The following CNDP2 variants were observed in gnomAD, a reference collection of about 807,000 sequenced individuals.
CNDP2 encodes the protein cytosolic non-specific dipeptidase.
CNDP2 carries 38 observed loss-of-function variants against 55.0 expected under a neutral mutation model. The observed-to-expected ratio is 0.69, with a 90% CI of 0.53 to 0.90. The LOEUF is 0.90. Among genes scored for constraint, CNDP2 ranks in the 40% least tolerant of loss-of-function variants. CNDP2 has a pLI of 0.00. For missense variants in CNDP2, 607 were observed against 621.7 expected (o/e 0.98, Z 0.25); for synonymous variants, 241 against 260.2 (o/e 0.93, Z 0.71).
Position 74,509,057 on chromosome 18 carries a change from T to C in CNDP2, c.456+129T>C, listed in dbSNP as rs527988204. 8 of 700,570 alleles carry C rather than the reference T, an allele frequency of 1.1e-5. No individual in the cohort carries two copies. In the African/African-American group the frequency reaches 1.2e-4, roughly 11 times the overall value. 43.4% of individuals were successfully genotyped at this position (700,570 alleles called of 1,614,324 possible). Reference sequence around the variant, plus strand: ...GATAAGACAAGCGTCCCCCAGCCCTTATCAGCACAGATGACTCGGATGTAA... The same window carrying C: ...GATAAGACAAGCGTCCCCCAGCCCTCATCAGCACAGATGACTCGGATGTAA... On this transcript the variant is annotated intron_variant, in intron 5 of 11. Coordinates refer to ENST00000324262, the MANE Select transcript of CNDP2 (RefSeq NM_018235.3).
intron 8 of CNDP2, among the ~76,000 whole-genome samples, chr18:74,514,605 G>T (rs974133121): frequency 1.4e-5 from 2 of 142,198 alleles, no homozygotes; most frequent in Non-Finnish European, 3.2e-5. Context: ...TGTAAGTTCT[G>T]CAGGCTATAG....
At chr18:74,500,877 C>T (rs1232365727) in intron 2 of CNDP2, among the ~76,000 whole-genome samples, 3 of 152,206 alleles carry the variant, frequency 2.0e-5, no homozygotes, top group Non-Finnish European at 4.4e-5. Context: ...GTGACAGGGG[C>T]TGTATGCACC....
intron 3 of CNDP2, among the ~76,000 whole-genome samples, chr18:74,504,249 C>T (rs1373690728): frequency 6.7e-6 from 1 of 150,252 alleles, no homozygotes; most frequent in East Asian, 2.0e-4. Flanking sequence ...CACAGTGCCG[C>T]TGGGACAAAT....
intron 9 of CNDP2, chr18:74,516,670 C>T (rs545481874): frequency 3.4e-4 from 123 of 364,904 alleles, no homozygotes; most frequent in African/African-American, 1.8e-3. Context: ...TTGGACCAAG[C>T]GTGTTCTGGT....
intron 4 of CNDP2, 79 bp downstream of exon 4, chr18:74,506,090 T>G: frequency 7.7e-7 from 1 of 1,290,778 alleles, no homozygotes; most frequent in South Asian, 1.9e-5. Context: ...TTTTTCTGTT[T>G]CCAGTACAGA....
chr18:74,512,587 T>G, intron 7 of CNDP2, 55 bp downstream of exon 7: 1 of 1,465,256 alleles, frequency 6.8e-7, no homozygotes, highest in Non-Finnish European at 9.5e-7. Flanking sequence ...TGGGCGTGAC[T>G]TCCAGGCTGT....
At chr18:74,516,171 C>A in intron 8 of CNDP2, 57 bp from the exon 9 acceptor site, 1 of 1,518,104 alleles carries the variant, frequency 6.6e-7, no homozygotes, top group Non-Finnish European at 8.9e-7. Flanking sequence ...CCTCGGTGAG[C>A]AGACAGGGCT....
At chr18:74,516,155 C>T (rs1979651342) in intron 8 of CNDP2, 73 bp from the exon 9 acceptor site, 2 of 1,482,280 alleles carry the variant, frequency 1.3e-6, no homozygotes, top group African/African-American at 1.4e-5. Context: ...GACAACATTC[C>T]CAGCTCCTCG....
rs1450676086 is a variant in CNDP2, at chr18:74,501,440, T to C, written c.172T>C (p.Ser58Pro). Reference sequence around the variant, plus strand: ...TGCAGATGTTAAGCAGTTGGGGGGCTCTGTGGAACTGGTGGATATCGGAAA... The same window carrying C: ...TGCAGATGTTAAGCAGTTGGGGGGCCCTGTGGAACTGGTGGATATCGGAAA... ...AAADVKQLGG[S>P]VELVDIGKQK... The change falls in exon 3 of 12, where the codon TCT becomes CCT. Residue 58 changes from serine to proline, a missense_variant. Transcript: ENST00000324262. 6 of 1,613,820 alleles carry C rather than the reference T, an allele frequency of 3.7e-6. No individual in the cohort carries two copies. Among genetic ancestry groups the C allele is most frequent in the Non-Finnish European group, 5.1e-6 (6 of 1,179,940 alleles).
intron 7 of CNDP2, 148 bp from the exon 8 acceptor site, chr18:74,513,411 G>T: frequency 1.3e-6 from 1 of 745,472 alleles, no homozygotes; most frequent in Non-Finnish European, 2.1e-6. Context: ...GACGCTTGTG[G>T]CTGCTCTTGG....
chr18:74,513,194 A>C (rs1399825788), intron 7 of CNDP2, among the ~76,000 whole-genome samples: 1 of 152,240 alleles, frequency 6.6e-6, no homozygotes, highest in Non-Finnish European at 1.5e-5. Flanking sequence ...GCGTGAAGCC[A>C]GTCTGCTGGT....
At chr18:74,513,434 C>T in intron 7 of CNDP2, 125 bp from the exon 8 acceptor site, 1 of 1,011,784 alleles carries the variant, frequency 9.9e-7, no homozygotes, top group Non-Finnish European at 1.4e-6. Flanking sequence ...CCTCCTCAGC[C>T]ACGTGGCTGT....
intron 5 of CNDP2, chr18:74,509,256 C>G (rs1260229745): frequency 1.0e-5 from 3 of 287,288 alleles, no homozygotes; most frequent in Non-Finnish European, 2.0e-5. Context: ...ATAGTGCAGG[C>G]TCTGTCACAT....
At position 74,520,404 on chromosome 18, in the gene CNDP2, G is replaced by A. The variant is rs551470350; in HGVS notation, c.*336G>A. ...GGCACCACGGCTCACACCTATAATC[G>A]AGCACTTTGGGAGGCCAAGACAGGA... On this transcript the variant is annotated 3_prime_UTR_variant, in exon 12 of 12. Coordinates refer to ENST00000324262, the MANE Select transcript of CNDP2 (RefSeq NM_018235.3). The A allele has an allele frequency of 1.5e-4, 41 of 267,448 alleles. No homozygotes were observed. The highest frequency in any genetic ancestry group is 1.1e-4 in the African/African-American group (5 of 44,584). The allele number at this position is 267,448 out of a possible 1,614,324, so 16.6% of individuals were successfully genotyped here.
chr18:74,512,458 G>C lies in CNDP2; in HGVS notation c.668G>C (p.Ser223Thr), dbSNP rs1979407091. 2.5e-6 allele frequency: 4 copies of C among 1,613,644 alleles called. No individual in the cohort carries two copies. The highest frequency in any genetic ancestry group is 3.4e-6 in the Non-Finnish European group (4 of 1,179,736). ...ICYFFIEVEC[S>T]NKDLHSGVYG... Reference sequence around the variant, plus strand: ...TTTGTTTCCGTGCAGGTGGAGTGCAGCAACAAAGACCTCCATTCTGGGGTG... The same window carrying C: ...TTTGTTTCCGTGCAGGTGGAGTGCACCAACAAAGACCTCCATTCTGGGGTG... Residue 223 changes from serine to threonine, a missense_variant, in exon 7 of 12, where the codon AGC (serine) becomes ACC (threonine). Physicochemically the swap from Ser to Thr is moderately conservative, Grantham distance 58. Transcript: ENST00000324262.
rs192178446 is a variant in CNDP2 at position 74,516,387 on chromosome 18, G to A, written c.1063G>A (p.Glu355Lys). 96 of 1,608,704 alleles carry A rather than the reference G, an allele frequency of 6.0e-5. No homozygotes were observed. In the East Asian group the frequency reaches 6.0e-4, roughly 10 times the overall value. ...GAACATGACTCCTGAAGTCGTCGGC[G>A]AGCAGGCATGTGGGGCTGGGACACG... is the stretch of plus-strand genomic sequence containing the variant. ...VPNMTPEVVG[E>K]QVTSYLTKKF... Residue 355 changes from glutamate (E) to lysine (K), a missense_variant, in exon 9 of 12, where the codon GAG (glutamate) becomes AAG (lysine). Coordinates refer to ENST00000324262, the MANE Select transcript of CNDP2 (RefSeq NM_018235.3).
intron 8 of CNDP2, among the ~76,000 whole-genome samples, chr18:74,515,790 C>T (rs925773804): frequency 2.6e-5 from 4 of 152,158 alleles, no homozygotes; most frequent in East Asian, 1.9e-4. Flanking sequence ...TCAGTAGGAA[C>T]GGGCTGCTCG....
rs559463515 is a variant in CNDP2, at chr18:74,520,034, C to T, written c.1394C>T (p.Ala465Val). The change falls in exon 12 of 12, where the codon GCG becomes GTG. Residue 465 changes from alanine (A) to valine (V), a missense_variant. Coordinates refer to ENST00000324262, the MANE Select transcript of CNDP2 (RefSeq NM_018235.3). ...ATAGAGGGAACCAAGATGCTGGCCG[C>T]GTACCTGTATGAGGTCTCCCAGCTG... ...NYIEGTKMLA[A>V]YLYEVSQLKD 39 of 1,614,160 alleles carry T rather than the reference C, an allele frequency of 2.4e-5. 1 individual carries two copies. The highest frequency in any genetic ancestry group is 1.3e-4 in the African/African-American group (10 of 75,060).
intron 10 of CNDP2, 133 bp from the exon 11 acceptor site, chr18:74,518,816 C>T (rs902327414): frequency 1.4e-6 from 2 of 1,458,586 alleles, no homozygotes. Flanking sequence ...CCCTGGCGGA[C>T]CTTGAACGCG....
Sources: gnomAD v4.1 joint callset for allele counts (sites outside exome capture counted in the v4.1 genomes callset) on GRCh38, gnomAD v4.1.1 for gene constraint, MANE v1.5 for transcripts, NCBI Gene and HGNC (gene_info 2026-07-23, HGNC 2026-07-21) for gene names.